The following PDCD4 variants were observed in gnomAD, a reference collection of about 807,000 sequenced individuals.
PDCD4 encodes the protein programmed cell death 4.
PDCD4 carries 56 observed loss-of-function variants against 54.0 expected under a neutral mutation model. That is an observed-to-expected ratio of 1.04 (90% CI 0.84 to 1.30). The LOEUF (loss-of-function observed/expected upper bound fraction) is 1.30. PDCD4 is among the 50% of genes most tolerant of loss of function. The pLI, the probability that PDCD4 is intolerant of heterozygous loss-of-function variation, is 0.00. For synonymous variants in PDCD4, 186 were observed against 194.8 expected (o/e 0.95, Z 0.37); for missense variants, 584 against 559.8 (o/e 1.04, Z -0.44).
intron 2 of PDCD4, among the ~76,000 whole-genome samples, chr10:110,877,831 A>G (rs1443005718): frequency 6.6e-6 from 1 of 152,192 alleles, no homozygotes; most frequent in East Asian, 1.9e-4. Context: ...CAGTTTTTTC[A>G]TGTATAAAAT....
chr10:110,876,636 C>T, intron 2 of PDCD4: 1 of 674,300 alleles, frequency 1.5e-6, no homozygotes, highest in Non-Finnish European at 2.2e-6. Context: ...GGTATCTTTC[C>T]TAACAAATAA....
chr10:110,872,520 C>CCGGCCT (rs530771251), intron 1 of PDCD4, among the ~76,000 whole-genome samples: 3 of 152,308 alleles, frequency 2.0e-5, no homozygotes, highest in African/African-American at 7.2e-5. Flanking sequence ...ACCCGGAGCC[C>CCGGCCT]CGGCCTCGGC....
At position 110,871,986 on chromosome 10, in the gene PDCD4, G is replaced by C. The variant is rs891644527; in HGVS notation, c.-95G>C. ...AGCGGGGTCGGGGCCGGCTGACCAG[G>C]AACCTGGGCGAGCAGCGGCGGGGGC... On this transcript the variant is annotated 5_prime_UTR_variant, in exon 1 of 12. Transcript: ENST00000280154. 1 of 153,018 alleles carries C rather than the reference G, an allele frequency of 6.5e-6. No individual in the cohort carries two copies. Among genetic ancestry groups the C allele is most frequent in the Non-Finnish European group, 1.5e-5 (1 of 68,448 alleles). 9.5% of individuals were successfully genotyped at this position (153,018 alleles called of 1,614,324 possible).
chr10:110,891,628 A>G (rs778639804), intron 8 of PDCD4, among the ~76,000 whole-genome samples: 2 of 151,994 alleles, frequency 1.3e-5, no homozygotes, highest in Non-Finnish European at 2.9e-5. Context: ...TGTAACTACA[A>G]TTTTGATTTT....
At position 110,890,600 on chromosome 10, in the gene PDCD4, G is replaced by A. The variant is rs1271539499; in HGVS notation, c.920G>A (p.Gly307Asp). The stretch of plus-strand genomic sequence containing the variant: ...ACCGTGCTTCTGAGTATGTCTAAAG[G>A]TGGAAAGCGTAAAGATAGTGTGTGG... Reference protein sequence around the residue: ...KATVLLSMSKGGKRKDSVWGS... With the variant: ...KATVLLSMSKDGKRKDSVWGS... The change falls in exon 8 of 12, where the codon GGT (glycine) becomes GAT (aspartate). Residue 307 changes from glycine (G) to aspartate (D), a missense_variant. Gly to Asp is a moderately conservative substitution (Grantham distance 94). Transcript: ENST00000280154. 2 of 1,613,686 alleles carry A rather than the reference G, an allele frequency of 1.2e-6. No individual in the cohort carries two copies. The highest frequency in any genetic ancestry group is 1.7e-5 in the Admixed American group (1 of 60,002).
chr10:110,899,571 G>C lies in PDCD4; in HGVS notation c.*1483G>C, dbSNP rs1015886528. ...CCAGCACTTTGGGAGGCCGAGGTGGGCGGATCACTTGAGGTTGGGAGTTCA... is the reference window on the plus strand; with the variant it reads ...CCAGCACTTTGGGAGGCCGAGGTGGCCGGATCACTTGAGGTTGGGAGTTCA... On this transcript the variant is annotated 3_prime_UTR_variant, in exon 12 of 12. Transcript: ENST00000280154. 2 of 152,320 alleles carry C rather than the reference G, an allele frequency of 1.3e-5. No homozygotes were observed. The highest frequency in any genetic ancestry group is 2.9e-5 in the Non-Finnish European group (2 of 68,140). The allele number at this position is 152,320 out of a possible 1,614,324, so 9.4% of individuals were successfully genotyped here.
rs200104911 is a variant in PDCD4 at position 110,895,930 on chromosome 10, G to T, written c.1210-18G>T. 8 of 1,543,300 alleles carry T rather than the reference G, an allele frequency of 5.2e-6. No homozygotes were observed. The Admixed American group carries it at 1.7e-4, about 33-fold the overall frequency. On this transcript the variant is annotated intron_variant, in intron 10 of 11. Coordinates refer to ENST00000280154, the MANE Select transcript of PDCD4 (RefSeq NM_014456.5). ...TTTATATGGGCTAACAATTCTGCAT[G>T]TAATTTCATTGTTGTAGGGTTATGA...
At chr10:110,881,611 C>T (rs1008026253) in intron 3 of PDCD4, 76 bp downstream of exon 3, 7 of 1,219,006 alleles carry the variant, frequency 5.7e-6, no homozygotes, top group Admixed American at 2.4e-5. Flanking sequence ...ACTACACTTT[C>T]CTTGTTCTAG....
At chr10:110,897,980 AGTCAGAATTT>A in intron 11 of PDCD4, 38 bp from the exon 12 acceptor site, 2 of 1,336,892 alleles carry the variant, frequency 1.5e-6, no homozygotes, top group Non-Finnish European at 2.1e-6. Context: ...TATTGACTAT[AGTCAGAATTT>A]GTATCTGTTT....
chr10:110,896,485 C>T (rs1564686507), intron 11 of PDCD4, among the ~76,000 whole-genome samples: 1 of 152,192 alleles, frequency 6.6e-6, no homozygotes, highest in East Asian at 1.9e-4. Flanking sequence ...TAGGCTCTTA[C>T]CTGTACTGGA....
At position 110,899,301 on chromosome 10, in the gene PDCD4, G is replaced by C. The variant is rs1564688203; in HGVS notation, c.*1213G>C. On this transcript the variant is annotated 3_prime_UTR_variant, in exon 12 of 12. Transcript: ENST00000280154. Reference sequence around the variant, plus strand: ...TTACAGGTTTAGATATAGTCTGTTAGAATTAAAACCAAGTTTAGTGTTCAT... The same window carrying C: ...TTACAGGTTTAGATATAGTCTGTTACAATTAAAACCAAGTTTAGTGTTCAT... The C allele has an allele frequency of 6.6e-6, 1 of 152,120 alleles. No homozygotes were observed. Among genetic ancestry groups the C allele is most frequent in the Non-Finnish European group, 1.5e-5 (1 of 68,024 alleles). The allele number at this position is 152,120 out of a possible 1,614,324, so 9.4% of individuals were successfully genotyped here. A position where few individuals can be genotyped will look rare whatever the true frequency, so the allele number is the denominator to read the frequency against.
intron 10 of PDCD4, among the ~76,000 whole-genome samples, chr10:110,895,380 G>T (rs1378245235): frequency 6.6e-6 from 1 of 152,078 alleles, no homozygotes; most frequent in East Asian, 1.9e-4. Context: ...GCCTCCAGCT[G>T]CATCCACGTT....
Position 110,887,835 on chromosome 10 carries a change from A to C in PDCD4, c.726A>C (p.Lys242Asn). ...STTDVEKSFD[K>N]LLKDLPELAL... Reference sequence around the variant, plus strand: ...CTGATGTGGAAAAATCATTTGATAAATTGTTGAAAGATCTACCTGAATTAG... The same window carrying C: ...CTGATGTGGAAAAATCATTTGATAACTTGTTGAAAGATCTACCTGAATTAG... The change falls in exon 6 of 12, where the codon AAA (lysine) becomes AAC (asparagine). Residue 242 changes from lysine to asparagine, a missense_variant. Transcript: ENST00000280154. 6.2e-7 allele frequency: 1 copy of C among 1,613,752 alleles called. No homozygotes were observed. Among genetic ancestry groups the C allele is most frequent in the Non-Finnish European group, 8.5e-7 (1 of 1,179,754 alleles).
Position 110,894,392 on chromosome 10 carries a change from C to G in PDCD4, c.1099-20C>G. 7.9e-7 allele frequency: 1 copy of G among 1,269,906 alleles called. No individual in the cohort carries two copies. The highest frequency in any genetic ancestry group is 2.3e-5 in the East Asian group (1 of 43,164). 78.7% of individuals were successfully genotyped at this position (1,269,906 alleles called of 1,614,324 possible). A position where few individuals can be genotyped will look rare whatever the true frequency, so the allele number is the denominator to read the frequency against. ...CATATATGAATTAACCAAAAATTCA[C>G]TCATTGATTCAATTTTTAGGCTATT... On this transcript the variant is annotated intron_variant, in intron 9 of 11. Transcript: ENST00000280154.
chr10:110,887,378 T>C (rs1845684001), intron 5 of PDCD4, among the ~76,000 whole-genome samples: 1 of 152,310 alleles, frequency 6.6e-6, no homozygotes, highest in African/African-American at 2.4e-5. Flanking sequence ...TTTCTCAGAA[T>C]GTATCTGTGT....
Position 110,899,962 on chromosome 10 carries a change from G to GTATC in PDCD4, c.*1876_*1879dup, listed in dbSNP as rs1845946893. The GTATC allele has an allele frequency of 6.3e-6, 1 of 159,346 alleles. No homozygotes were observed. Among genetic ancestry groups the GTATC allele is most frequent in the Non-Finnish European group, 1.4e-5 (1 of 73,184 alleles). The allele number at this position is 159,346 out of a possible 1,614,324, so 9.9% of individuals were successfully genotyped here. On this transcript the variant is annotated 3_prime_UTR_variant, in exon 12 of 12. Transcript: ENST00000280154. ...CAAACACTTTATGCAAGATTGGAAT[G>GTATC]TATCTTCAAATTCAGATTTAATAAA...
chr10:110,890,441 C>T, intron 7 of PDCD4, 115 bp from the exon 8 acceptor site: 1 of 478,248 alleles, frequency 2.1e-6, no homozygotes, highest in Non-Finnish European at 3.7e-6. Context: ...TTTTATTTTG[C>T]TTTTATGTTA....
intron 10 of PDCD4, among the ~76,000 whole-genome samples, 197 bp downstream of exon 10, chr10:110,894,719 GTTT>G (rs200913544): frequency 3.1e-5 from 4 of 127,460 alleles, no homozygotes; most frequent in Admixed American, 7.8e-5. Flanking sequence ...ACACTGCAGT[GTTT>G]TTTTTTTTTT....
At chr10:110,880,938 G>A (rs1195855555) in intron 2 of PDCD4, among the ~76,000 whole-genome samples, 1 of 152,144 alleles carries the variant, frequency 6.6e-6, no homozygotes, top group Admixed American at 6.5e-5. Context: ...TGATCTAAAC[G>A]TGAAATAACA....
Sources: gnomAD v4.1 joint callset for allele counts (sites outside exome capture counted in the v4.1 genomes callset) on GRCh38, gnomAD v4.1.1 for gene constraint, MANE v1.5 for transcripts, NCBI Gene and HGNC (gene_info 2026-07-23, HGNC 2026-07-21) for gene names.